ABAT: variants seen among roughly 807,000 people sequenced by gnomAD.
The protein encoded by ABAT is 4-aminobutyrate aminotransferase.
Under a neutral mutation model 64.6 loss-of-function variants are expected in ABAT, and 45 were observed. The ratio of observed to expected loss-of-function variants is 0.70; its 90% CI spans 0.55 to 0.89. ABAT has a LOEUF of 0.89. ABAT is among the 40% of genes least tolerant of loss of function. The pLI, the probability that ABAT is intolerant of heterozygous loss-of-function variation, is 0.00. For missense variants in ABAT, 633 were observed against 658.4 expected (o/e 0.96, Z 0.42); for synonymous variants, 297 against 250.5 (o/e 1.19, Z -1.75).
chr16:8,735,954 C>A, intron 2 of ABAT, 145 bp downstream of exon 2: 2 of 707,850 alleles, frequency 2.8e-6, no homozygotes, highest in Non-Finnish European at 4.9e-6. Context: ...AGTCTGTTCT[C>A]ATGCTGCTAA....
intron 1 of ABAT, among the ~76,000 whole-genome samples, chr16:8,707,396 G>T (rs375567200): frequency 7.5e-6 from 1 of 133,352 alleles, no homozygotes; most frequent in East Asian, 2.2e-4. Context: ...TCACTATGTT[G>T]CCCAGGTCTC....
chr16:8,680,666 G>T (rs2141905853), intron 1 of ABAT, among the ~76,000 whole-genome samples: 1 of 152,288 alleles, frequency 6.6e-6, no homozygotes, highest in East Asian at 1.9e-4. Flanking sequence ...GACCTCAAGT[G>T]ATCCGCCTGC....
chr16:8,717,183 G>A (rs1463702472), intron 1 of ABAT, among the ~76,000 whole-genome samples: 1 of 152,028 alleles, frequency 6.6e-6, no homozygotes, highest in African/African-American at 2.4e-5. Flanking sequence ...CCAGCTACTC[G>A]GGAGGCTGAG....
chr16:8,763,772 A>G (rs941161724), intron 6 of ABAT, among the ~76,000 whole-genome samples: 1 of 152,244 alleles, frequency 6.6e-6, no homozygotes. Context: ...AAAAACCAGT[A>G]CAAAGAGCCC....
intron 15 of ABAT, among the ~76,000 whole-genome samples, chr16:8,780,153 T>G (rs2060390836): frequency 6.8e-6 from 1 of 147,416 alleles, no homozygotes; most frequent in African/African-American, 2.5e-5. Flanking sequence ...CTTACAGAGG[T>G]GGTAAAAGGG....
chr16:8,708,356 T>C (rs1640976), intron 1 of ABAT, among the ~76,000 whole-genome samples: 105,869 of 151,976 alleles, frequency 0.7, 37,581 homozygotes, highest in East Asian at 0.85. Flanking sequence ...AAAGGATCTT[T>C]CTGCCTCAGC....
intron 5 of ABAT, chr16:8,757,266 C>T: frequency 2.4e-6 from 1 of 423,478 alleles, no homozygotes; most frequent in South Asian, 1.7e-5. Flanking sequence ...CTCTTGTGTT[C>T]AAGAGATTCT....
intron 13 of ABAT, 47 bp downstream of exon 13, chr16:8,775,104 G>C (rs749064481): frequency 6.8e-6 from 11 of 1,610,144 alleles, no homozygotes; most frequent in African/African-American, 1.3e-5. Flanking sequence ...AGAGAAGGGA[G>C]CATCCTCTTC....
intron 1 of ABAT, among the ~76,000 whole-genome samples, chr16:8,688,180 C>T (rs960600910): frequency 1.1e-4 from 16 of 152,224 alleles, no homozygotes; most frequent in South Asian, 8.3e-4. Flanking sequence ...CATGAGCCAC[C>T]GCACCCGGCC....
chr16:8,695,906 C>G (rs982759577), intron 1 of ABAT, among the ~76,000 whole-genome samples: 1 of 152,126 alleles, frequency 6.6e-6, no homozygotes, highest in Non-Finnish European at 1.5e-5. Context: ...AACCTTAGAA[C>G]CTGGGACTAT....
chr16:8,695,406 C>A (rs1163655129), intron 1 of ABAT, among the ~76,000 whole-genome samples: 1 of 152,202 alleles, frequency 6.6e-6, no homozygotes, highest in East Asian at 1.9e-4. Context: ...GTTTCTCCAC[C>A]TCTGCAGAAT....
At chr16:8,683,210 C>G (rs1422727059) in intron 1 of ABAT, 6 of 152,196 alleles carry the variant, frequency 3.9e-5, no homozygotes, top group African/African-American at 1.4e-4. Context: ...TCACTCTCCA[C>G]TCCTTAAAGG....
Position 8,741,443 on chromosome 16 carries a change from T to C in ABAT, c.71-4558T>C, listed in dbSNP as rs145936640. On this transcript the variant is annotated intron_variant, in intron 2 of 15. Coordinates refer to ENST00000268251, the MANE Select transcript of ABAT (RefSeq NM_020686.6). ...AGCTGTGTGATCTTGGGCAAATTAA[T>C]TAACCTCTCTGAGCCTCAGCGTCTT... 3.8e-3 allele frequency among the ~76,000 whole-genome samples: 586 copies of C among 152,338 alleles called. 8 individuals are homozygous for C. Among genetic ancestry groups the C allele is most frequent in the African/African-American group, 0.013 (556 of 41,580 alleles).
At chr16:8,719,265 C>T (rs772818431) in intron 1 of ABAT, among the ~76,000 whole-genome samples, 20 of 152,234 alleles carry the variant, frequency 1.3e-4, no homozygotes, top group African/African-American at 4.6e-4. Context: ...GCTACTTCAG[C>T]ATGGGTCCAA....
Position 8,685,749 on chromosome 16 carries a change from G to A in ABAT, c.-42+11038G>A, listed in dbSNP as rs114969254. Among the ~76,000 whole-genome samples the A allele has an allele frequency of 3.7e-3, 565 of 152,236 alleles. 1 individual carries two copies. The highest frequency in any genetic ancestry group is 0.013 in the African/African-American group (546 of 41,542). On this transcript the variant is annotated intron_variant, in intron 1 of 15. Transcript: ENST00000268251. ...AACAAAAAACCAATGTTCAAGTGATGGAGAGGCATGGGTGGATGAGGAGTG... is the reference window on the plus strand; with the variant it reads ...AACAAAAAACCAATGTTCAAGTGATAGAGAGGCATGGGTGGATGAGGAGTG...
chr16:8,779,037 G>A (rs1412256645), intron 14 of ABAT, among the ~76,000 whole-genome samples: 1 of 152,194 alleles, frequency 6.6e-6, no homozygotes, highest in Non-Finnish European at 1.5e-5. Context: ...AAGAGCTGAC[G>A]ATGGAGATGG....
chr16:8,749,339 C>T (rs546337312), intron 4 of ABAT, among the ~76,000 whole-genome samples: 24 of 147,972 alleles, frequency 1.6e-4, no homozygotes, highest in African/African-American at 4.2e-4. Context: ...CCACCTGCCT[C>T]GGCCTCCCAA....
At chr16:8,725,234 T>C (rs1203210971) in intron 1 of ABAT, among the ~76,000 whole-genome samples, 1 of 152,176 alleles carries the variant, frequency 6.6e-6, no homozygotes, top group Non-Finnish European at 1.5e-5. Context: ...TTTATTAAGA[T>C]AAACATAACA....
intron 1 of ABAT, among the ~76,000 whole-genome samples, chr16:8,702,724 G>A (rs1244861908): frequency 1.3e-5 from 2 of 152,154 alleles, no homozygotes; most frequent in African/African-American, 4.8e-5. Context: ...GTGGGACATG[G>A]ATCCAAACCA....
Sources: gnomAD v4.1 joint callset for allele counts (sites outside exome capture counted in the v4.1 genomes callset) on GRCh38, gnomAD v4.1.1 for gene constraint, MANE v1.5 for transcripts, NCBI Gene and HGNC (gene_info 2026-07-23, HGNC 2026-07-21) for gene names.